CNGB3: variants seen among roughly 807,000 people sequenced by gnomAD.
CNGB3 encodes cyclic nucleotide-gated channel beta-3.
CNGB3 carries 86 observed loss-of-function variants against 92.8 expected under a neutral mutation model. The ratio of observed to expected loss-of-function variants is 0.93; its 90% CI spans 0.78 to 1.11. The LOEUF (loss-of-function observed/expected upper bound fraction) is 1.11. Ranked by LOEUF, CNGB3 falls within the 50% of genes least tolerant of loss-of-function variation. The probability of loss-of-function intolerance (pLI) is 0.00; values close to 1 mark genes in which losing one functional copy is unlikely to be tolerated. For synonymous variants in CNGB3, 333 were observed against 332.7 expected (o/e 1.00, Z -0.01); for missense variants, 1,026 against 956.8 (o/e 1.07, Z -0.95).
At position 86,649,063 on chromosome 8, in the gene CNGB3, C is replaced by A. The variant is rs190663474; in HGVS notation, c.904-1176G>T. ...AATCAGGAACTCAATCCCTTTACAA[C>A]AACTGTAAAACAACAACAATAACAA... On this transcript the variant is annotated intron_variant, in intron 7 of 17. Coordinates refer to ENST00000320005, the MANE Select transcript of CNGB3 (RefSeq NM_019098.5). Among the ~76,000 whole-genome samples the A allele has an allele frequency of 2.6e-4, 40 of 151,358 alleles. No homozygotes were observed. In the East Asian group the frequency reaches 7.4e-3, roughly 28 times the overall value.
At chr8:86,717,354 G>A (rs1824874908) in intron 3 of CNGB3, among the ~76,000 whole-genome samples, 1 of 152,042 alleles carries the variant, frequency 6.6e-6, no homozygotes, top group South Asian at 2.1e-4. Context: ...TTGAGGTCAG[G>A]AGTTTGAGAC....
chr8:86,638,694 C>T (rs767111934), intron 10 of CNGB3, among the ~76,000 whole-genome samples: 4 of 152,042 alleles, frequency 2.6e-5, no homozygotes, highest in Non-Finnish European at 5.9e-5. Context: ...TGAATGCATA[C>T]CTAGACTTAC....
rs1385364772 is a variant in CNGB3, at chr8:86,579,165, G to T, written c.1869C>A (p.Thr623=). ...FANLLTLDKK[T]LQEILVHYPD... ...GATAATGCACTAGAATTTCTTGGAGGGTCTTTTTGTCTAGAGTTAAAAGAT... is the reference window on the plus strand; with the variant it reads ...GATAATGCACTAGAATTTCTTGGAGTGTCTTTTTGTCTAGAGTTAAAAGAT... Residue 623 remains threonine, a synonymous_variant, in exon 16 of 18, where the codon ACC becomes ACA. Coordinates refer to ENST00000320005, the MANE Select transcript of CNGB3 (RefSeq NM_019098.5). 2 of 1,614,068 alleles carry T rather than the reference G, an allele frequency of 1.2e-6. No individual in the cohort carries two copies. The highest frequency in any genetic ancestry group is 4.5e-5 in the East Asian group (2 of 44,860).
chr8:86,643,367 C>T (rs947863357), intron 10 of CNGB3, among the ~76,000 whole-genome samples: 5 of 151,314 alleles, frequency 3.3e-5, no homozygotes, highest in Non-Finnish European at 5.9e-5. Context: ...CTGTTGCAAA[C>T]GTTGAATATA....
intron 1 of CNGB3, among the ~76,000 whole-genome samples, chr8:86,741,297 A>G (rs1563772321): frequency 6.6e-6 from 1 of 152,198 alleles, no homozygotes; most frequent in Non-Finnish European, 1.5e-5. Flanking sequence ...GAAATTGGAG[A>G]TAAACTATTT....
In CNGB3 at chr8:86,658,073, C is replaced by T. The variant is rs1585997546; in HGVS notation, c.853-4011G>A. 11 of 528,864 alleles carry T rather than the reference C, an allele frequency of 2.1e-5. No homozygotes were observed. In the East Asian group the frequency reaches 4.2e-4, roughly 20 times the overall value. The allele number at this position is 528,864 out of a possible 1,614,324, so 32.8% of individuals were successfully genotyped here. A position where few individuals can be genotyped will look rare whatever the true frequency, so the allele number is the denominator to read the frequency against. On this transcript the variant is annotated intron_variant, in intron 6 of 17. Coordinates refer to ENST00000320005, the MANE Select transcript of CNGB3 (RefSeq NM_019098.5). Reference sequence around the variant, plus strand: ...AAGTGGCTCTGCAGCTTCTCCATGGCCCCCTGCAGGGCCGGGTGGGCCTCC... The same window carrying T: ...AAGTGGCTCTGCAGCTTCTCCATGGTCCCCTGCAGGGCCGGGTGGGCCTCC...
intron 15 of CNGB3, among the ~76,000 whole-genome samples, chr8:86,585,728 T>C (rs978727478): frequency 6.6e-6 from 1 of 152,126 alleles, no homozygotes; most frequent in African/African-American, 2.4e-5. Context: ...AAGGGCTTAG[T>C]AAAGGGGCCA....
intron 6 of CNGB3, chr8:86,659,563 T>G (rs1159470429): frequency 1.8e-6 from 1 of 565,692 alleles, no homozygotes; most frequent in African/African-American, 1.9e-5. Flanking sequence ...GTTGTATTTG[T>G]GTCTTCTTCT....
chr8:86,606,608 A>T (rs1822415634), intron 14 of CNGB3, among the ~76,000 whole-genome samples: 1 of 152,234 alleles, frequency 6.6e-6, no homozygotes, highest in Non-Finnish European at 1.5e-5. Flanking sequence ...TCTGACATTT[A>T]CATAGCTCCT....
intron 13 of CNGB3, among the ~76,000 whole-genome samples, chr8:86,619,387 G>A (rs1482790853): frequency 6.6e-6 from 1 of 152,078 alleles, no homozygotes; most frequent in Non-Finnish European, 1.5e-5. Context: ...TTGTGCTTGG[G>A]CCTGGAATAA....
At chr8:86,662,215 T>G (rs1823655864) in intron 6 of CNGB3, among the ~76,000 whole-genome samples, 1 of 152,256 alleles carries the variant, frequency 6.6e-6, no homozygotes, top group Admixed American at 6.5e-5. Flanking sequence ...ACAGGACAGA[T>G]GGAAGAAGTA....
intron 13 of CNGB3, among the ~76,000 whole-genome samples, chr8:86,621,556 T>G (rs536045267): frequency 3.3e-5 from 5 of 152,252 alleles, no homozygotes; most frequent in South Asian, 2.1e-4. Context: ...TTTCTGAGAT[T>G]TTGGTGCACC....
intron 10 of CNGB3, among the ~76,000 whole-genome samples, chr8:86,633,109 C>G (rs1822993915): frequency 6.6e-6 from 1 of 152,088 alleles, no homozygotes. Flanking sequence ...TGTTTACTAG[C>G]CGTTACCAAA....
rs1409881460 is a variant in CNGB3, at chr8:86,587,659, G to A, written c.1782-8407C>T. 2.4e-4 allele frequency among the ~76,000 whole-genome samples: 37 copies of A among 151,126 alleles called. No individual in the cohort carries two copies. In the South Asian group the frequency reaches 4.4e-3, roughly 18 times the overall value. ...GATCAGATAGTTGTAGATATGCGGC[G>A]TTATTTCTGAGGGCTCTGTTCTGTT... On this transcript the variant is annotated intron_variant, in intron 15 of 17. Coordinates refer to ENST00000320005, the MANE Select transcript of CNGB3 (RefSeq NM_019098.5).
chr8:86,639,302 A>G (rs1823134018), intron 10 of CNGB3, among the ~76,000 whole-genome samples: 1 of 152,152 alleles, frequency 6.6e-6, no homozygotes, highest in Non-Finnish European at 1.5e-5. Context: ...TAAGTATCAC[A>G]TAATCTTAGG....
At chr8:86,587,089 G>C (rs1205899057) in intron 15 of CNGB3, among the ~76,000 whole-genome samples, 1 of 144,916 alleles carries the variant, frequency 6.9e-6, no homozygotes. Flanking sequence ...GATGGCCAGT[G>C]ATGGTGAGCA....
At chr8:86,578,103 G>A (rs1021683721) in intron 17 of CNGB3, among the ~76,000 whole-genome samples, 1 of 151,918 alleles carries the variant, frequency 6.6e-6, no homozygotes, top group Non-Finnish European at 1.5e-5. Flanking sequence ...TAGAGACAGG[G>A]TTTCACCGTG....
At chr8:86,597,625 C>G (rs1434031515) in intron 15 of CNGB3, among the ~76,000 whole-genome samples, 1 of 152,036 alleles carries the variant, frequency 6.6e-6, no homozygotes, top group Admixed American at 6.6e-5. Flanking sequence ...AAAAAACTCC[C>G]TGTGACTGGA....
chr8:86,742,353 A>G (rs1283152960), intron 1 of CNGB3, among the ~76,000 whole-genome samples: 1 of 152,226 alleles, frequency 6.6e-6, no homozygotes, highest in Non-Finnish European at 1.5e-5. Flanking sequence ...TGACATAAGA[A>G]TTAGAAAGAA....
Sources: gnomAD v4.1 joint callset for allele counts (sites outside exome capture counted in the v4.1 genomes callset) on GRCh38, gnomAD v4.1.1 for gene constraint, MANE v1.5 for transcripts, NCBI Gene and HGNC (gene_info 2026-07-23, HGNC 2026-07-21) for gene names.